The following STYXL1 variants were observed in gnomAD, a reference collection of about 807,000 sequenced individuals.
The protein encoded by STYXL1 is serine/threonine/tyrosine interacting like 1.
Under a neutral mutation model 36.4 loss-of-function variants are expected in STYXL1, and 32 were observed. The ratio of observed to expected loss-of-function variants is 0.88; its 90% confidence interval spans 0.66 to 1.18. The LOEUF (loss-of-function observed/expected upper bound fraction) is 1.18, where lower values mean the gene tolerates loss of function less well. Among genes scored for constraint, STYXL1 ranks in the 50% most tolerant of loss-of-function variants. The pLI, the probability that STYXL1 is intolerant of heterozygous loss-of-function variation, is 0.00. For synonymous variants in STYXL1, 133 were observed against 144.1 expected (o/e 0.92, Z 0.55); for missense variants, 354 against 394.1 (o/e 0.90, Z 0.86).
chr7:76,022,114 C>T lies in STYXL1; in HGVS notation c.166-122G>A, dbSNP rs147823713. 4.8e-3 allele frequency: 7,119 copies of T among 1,484,948 alleles called. 31 individuals carry two copies. The highest frequency in any genetic ancestry group is 5.8e-3 in the Middle Eastern group (24 of 4,168). 92.0% of individuals were successfully genotyped at this position (1,484,948 alleles called of 1,614,324 possible). On this transcript the variant is annotated intron_variant, in intron 3 of 8. Coordinates refer to ENST00000359697, the MANE Select transcript of STYXL1 (RefSeq NM_001317785.2). ...GACCGCACTCTCTCCCCTGACTATA[C>T]ACACAGGCCCAGAAGCACTGAGACA...
At chr7:76,031,093 G>A (rs375860294) in intron 1 of STYXL1, among the ~76,000 whole-genome samples, 169 of 151,330 alleles carry the variant, frequency 1.1e-3, no homozygotes, top group African/African-American at 3.4e-3. Context: ...CCCAGGAGGC[G>A]GAGGCTGCAG....
intron 1 of STYXL1, among the ~76,000 whole-genome samples, chr7:76,036,344 G>A (rs1004232039): frequency 6.7e-5 from 10 of 149,960 alleles, no homozygotes; most frequent in African/African-American, 2.2e-4. Context: ...CAGGTGATCT[G>A]CCTGCCTTGG....
chr7:75,997,500 C>CA (rs1271938693), intron 8 of STYXL1, among the ~76,000 whole-genome samples: 1 of 152,184 alleles, frequency 6.6e-6, no homozygotes, highest in African/African-American at 2.4e-5. Flanking sequence ...CCACAGCTAA[C>CA]ATCACACTCA....
chr7:76,019,290 T>C (rs1222584185), intron 4 of STYXL1, among the ~76,000 whole-genome samples: 1 of 151,936 alleles, frequency 6.6e-6, no homozygotes, highest in Non-Finnish European at 1.5e-5. Context: ...TTCTTTTTTT[T>C]TTTTTTTTAA....
At chr7:76,020,951 A>G (rs1376559485) in intron 4 of STYXL1, among the ~76,000 whole-genome samples, 1 of 152,202 alleles carries the variant, frequency 6.6e-6, no homozygotes, top group Non-Finnish European at 1.5e-5. Flanking sequence ...AGGGGAACAA[A>G]TGAAAATAAA....
At chr7:76,003,967 AG>A in intron 6 of STYXL1, 112 bp from the exon 7 acceptor site, 1 of 907,314 alleles carries the variant, frequency 1.1e-6, no homozygotes, top group Non-Finnish European at 1.7e-6. Context: ...AGCTTGTGTA[AG>A]GGGGAATGTG....
intron 1 of STYXL1, among the ~76,000 whole-genome samples, chr7:76,037,730 T>C (rs1796059505): frequency 6.7e-6 from 1 of 149,500 alleles, no homozygotes; most frequent in Admixed American, 6.7e-5. Context: ...TGGACACAAT[T>C]GATGGGCATT....
At position 76,021,953 on chromosome 7, in the gene STYXL1, C is replaced by G; in HGVS notation, c.205G>C (p.Glu69Gln). 6.2e-7 allele frequency: 1 copy of G among 1,613,166 alleles called. No homozygotes were observed. Among genetic ancestry groups the G allele is most frequent in the South Asian group, 1.1e-5 (1 of 91,064 alleles). Reference sequence around the variant, plus strand: ...TACACCACGCAGTACTTCACACACTCCAGGTCCACAGACTCCGGGAGAAGA... The same window carrying G: ...TACACCACGCAGTACTTCACACACTGCAGGTCCACAGACTCCGGGAGAAGA... ...EYLLPESVDLECVKYCVVYDN... is the reference protein window; with the variant it reads ...EYLLPESVDLQCVKYCVVYDN... The change falls in exon 4 of 9, where the codon GAG becomes CAG. Residue 69 changes from glutamate (E) to glutamine (Q), a missense_variant. Transcript: ENST00000359697.
intron 1 of STYXL1, among the ~76,000 whole-genome samples, chr7:76,047,102 A>G (rs1797224617): frequency 6.6e-6 from 1 of 151,694 alleles, no homozygotes; most frequent in Non-Finnish European, 1.5e-5. Flanking sequence ...TCTACTAAAA[A>G]AAAAATACAA....
In STYXL1 at chr7:76,047,836, G is replaced by A. The variant is rs1413004685; in HGVS notation, c.-179C>T. 3.4e-6 allele frequency: 4 copies of A among 1,162,556 alleles called. No homozygotes were observed. The African/African-American group carries it at 4.9e-5, about 14-fold the overall frequency. 72.0% of individuals were successfully genotyped at this position (1,162,556 alleles called of 1,614,324 possible). On this transcript the variant is annotated 5_prime_UTR_variant, in exon 1 of 9. Transcript: ENST00000359697. ...CCTGGAAAAATGGCTCCTCTAAGGCGCTTCCAGCCTAAAGCCCGTCCTCTT... is the reference window on the plus strand; with the variant it reads ...CCTGGAAAAATGGCTCCTCTAAGGCACTTCCAGCCTAAAGCCCGTCCTCTT...
intron 6 of STYXL1, among the ~76,000 whole-genome samples, chr7:76,004,101 T>G (rs991193222): frequency 3.0e-4 from 46 of 152,226 alleles, no homozygotes; most frequent in African/African-American, 1.0e-3. Flanking sequence ...TGTCTTTTTT[T>G]TTGTTTGTTT....
At chr7:76,018,682 C>T (rs1220747802) in intron 4 of STYXL1, among the ~76,000 whole-genome samples, 2 of 152,348 alleles carry the variant, frequency 1.3e-5, no homozygotes, top group East Asian at 1.9e-4. Context: ...TTATTAGCCA[C>T]AGCGCCCAGC....
At position 76,047,912 on chromosome 7, in the gene STYXL1, C is replaced by A. The variant is rs1797348994; in HGVS notation, c.-255G>T. ...TCCCACTCCGACCGCAGGTCCCCCA[C>A]CGGCCACACAGACGGCTACGCTAGA... On this transcript the variant is annotated 5_prime_UTR_variant, in exon 1 of 9. Transcript: ENST00000359697. 2.1e-6 allele frequency: 3 copies of A among 1,420,968 alleles called. No individual in the cohort carries two copies. The highest frequency in any genetic ancestry group is 1.8e-6 in the Non-Finnish European group (2 of 1,089,270). The allele number at this position is 1,420,968 out of a possible 1,614,324, so 88.0% of individuals were successfully genotyped here.
intron 8 of STYXL1, among the ~76,000 whole-genome samples, chr7:75,999,551 G>GTGTGTGTGTGTATA (rs1421403301): frequency 2.5e-5 from 2 of 80,060 alleles, no homozygotes; most frequent in African/African-American, 8.3e-5. Flanking sequence ...GTGTGTGTGT[G>GTGTGTGTGTGTATA]TATATTTTTT....
chr7:76,028,567 G>C (rs1794980512), intron 3 of STYXL1, 75 bp downstream of exon 3: 5 of 1,398,622 alleles, frequency 3.6e-6, no homozygotes, highest in Non-Finnish European at 1.0e-6. Flanking sequence ...CTGGATTGAG[G>C]GTGAAACTTC....
chr7:76,030,086 C>T (rs1254305287), intron 2 of STYXL1, among the ~76,000 whole-genome samples: 1 of 152,074 alleles, frequency 6.6e-6, no homozygotes, highest in African/African-American at 2.4e-5. Flanking sequence ...CTCCAACCTC[C>T]ACCTTCCAGG....
At chr7:76,004,740 G>A (rs1056992636) in intron 6 of STYXL1, among the ~76,000 whole-genome samples, 4 of 149,684 alleles carry the variant, frequency 2.7e-5, no homozygotes, top group Admixed American at 6.6e-5. Flanking sequence ...GGTGGCTCAT[G>A]CCTGTAATCC....
intron 5 of STYXL1, among the ~76,000 whole-genome samples, chr7:76,008,199 CAAAAAAAAAA>C (rs60080805): frequency 8.9e-5 from 3 of 33,748 alleles, no homozygotes; most frequent in African/African-American, 1.2e-4. Flanking sequence ...AACTCCATCT[CAAAAAAAAAA>C]AAAAAAAAAA....
At chr7:76,036,770 C>T (rs2116418856) in intron 1 of STYXL1, among the ~76,000 whole-genome samples, 1 of 147,480 alleles carries the variant, frequency 6.8e-6, no homozygotes, top group African/African-American at 2.5e-5. Context: ...ACTCTTTCAA[C>T]ACAGTATAGC....
Sources: gnomAD v4.1 joint callset for allele counts (sites outside exome capture counted in the v4.1 genomes callset) on GRCh38, gnomAD v4.1.1 for gene constraint, MANE v1.5 for transcripts, NCBI Gene and HGNC (gene_info 2026-07-23, HGNC 2026-07-21) for gene names.